RALGPS2: variants seen among roughly 807,000 people sequenced by gnomAD.
RALGPS2 encodes Ral GEF with PH domain and SH3 binding motif 2, also known as ras-specific guanine nucleotide-releasing factor RalGPS2.
In RALGPS2, 43 loss-of-function variants were observed where a neutral mutation model predicts 86.8. That is an observed-to-expected ratio of 0.50 (90% CI 0.39 to 0.64). The LOEUF (loss-of-function observed/expected upper bound fraction) is 0.64, where lower values mean the gene tolerates loss of function less well. Among genes scored for constraint, RALGPS2 ranks in the 30% least tolerant of loss-of-function variants. The pLI, the probability that RALGPS2 is intolerant of heterozygous loss-of-function variation, is 0.00. For synonymous variants in RALGPS2, 243 were observed against 231.3 expected (o/e 1.05, Z -0.46); for missense variants, 536 against 694.6 (o/e 0.77, Z 2.57).
intron 8 of RALGPS2, chr1:178,851,315 T>C: frequency 6.2e-7 from 1 of 1,604,200 alleles, no homozygotes; most frequent in Non-Finnish European, 8.5e-7. Flanking sequence ...GGGCGCAGTT[T>C]CCTTTGAGGA....
chr1:178,897,653 G>T lies in RALGPS2; in HGVS notation c.1432-11G>T, dbSNP rs756316809. The T allele has an allele frequency of 1.3e-6, 2 of 1,599,296 alleles. No individual in the cohort carries two copies. Among genetic ancestry groups the T allele is most frequent in the South Asian group, 2.2e-5 (2 of 90,750 alleles). ...ATTGTAATAGTATATTCCTGTGTTT[G>T]TCCTATCCAGGTAGCATCTTGGACA... On this transcript the variant is annotated splice_polypyrimidine_tract_variant and intron_variant, in intron 16 of 19. Transcript: ENST00000367635.
intron 6 of RALGPS2, among the ~76,000 whole-genome samples, chr1:178,820,349 G>A (rs1259983834): frequency 1.3e-5 from 2 of 152,168 alleles, no homozygotes; most frequent in Admixed American, 1.3e-4. Context: ...GCTTATGAGA[G>A]CAAATCTAGC....
At chr1:178,801,027 A>G (rs955970065) in intron 4 of RALGPS2, among the ~76,000 whole-genome samples, 26 of 151,996 alleles carry the variant, frequency 1.7e-4, no homozygotes, top group African/African-American at 5.8e-4. Context: ...CCTGGGTTCA[A>G]GTTATTCTCC....
At chr1:178,854,698 G>C (rs1195563542) in intron 8 of RALGPS2, among the ~76,000 whole-genome samples, 1 of 152,146 alleles carries the variant, frequency 6.6e-6, no homozygotes, top group Non-Finnish European at 1.5e-5. Context: ...GTAAACCCTA[G>C]ATAGACATAA....
chr1:178,772,446 A>G (rs77987948), intron 1 of RALGPS2, among the ~76,000 whole-genome samples: 2,594 of 152,300 alleles, frequency 0.017, 72 homozygotes, highest in African/African-American at 0.058. Flanking sequence ...TGGGTCAGGT[A>G]TCTTAGGAGA....
At chr1:178,735,373 G>A (rs1442754030) in intron 1 of RALGPS2, among the ~76,000 whole-genome samples, 1 of 151,822 alleles carries the variant, frequency 6.6e-6, no homozygotes, top group Non-Finnish European at 1.5e-5. Flanking sequence ...AAGGTAAGAG[G>A]AACAACAAAG....
intron 1 of RALGPS2, among the ~76,000 whole-genome samples, chr1:178,765,708 T>A (rs528040942): frequency 6.6e-6 from 1 of 152,316 alleles, no homozygotes; most frequent in East Asian, 1.9e-4. Flanking sequence ...GTCCCTTATC[T>A]ACAACCATAA....
At chr1:178,901,109 A>G (rs988042164) in intron 17 of RALGPS2, among the ~76,000 whole-genome samples, 5 of 152,056 alleles carry the variant, frequency 3.3e-5, no homozygotes, top group Admixed American at 1.3e-4. Context: ...TGAATGTGCC[A>G]TGTTCATTCT....
At chr1:178,833,826 A>G (rs2102250017) in intron 8 of RALGPS2, among the ~76,000 whole-genome samples, 1 of 152,292 alleles carries the variant, frequency 6.6e-6, no homozygotes, top group Middle Eastern at 3.4e-3. Flanking sequence ...TAGCTGTTTT[A>G]GTAATGCTTT....
chr1:178,838,184 C>T (rs939981838), intron 8 of RALGPS2, among the ~76,000 whole-genome samples: 2 of 152,282 alleles, frequency 1.3e-5, no homozygotes, highest in South Asian at 2.1e-4. Flanking sequence ...TAATGGTTCT[C>T]GCAGCACAGA....
chr1:178,897,756 TGTAA>T lies in RALGPS2; in HGVS notation c.1524+4_1524+7del. The stretch of plus-strand genomic sequence containing the variant: ...CTCTAAAGGCTACCGAAAGAAAACA[TGTAA>T]GTATTTGTTCTCTACATTTTTAGCG... On this transcript the variant is annotated splice_donor_variant and splice_donor_region_variant and intron_variant, in intron 17 of 19. Coordinates refer to ENST00000367635, the MANE Select transcript of RALGPS2 (RefSeq NM_152663.5). LOFTEE classifies it high-confidence loss of function. The T allele has an allele frequency of 3.1e-6, 5 of 1,604,862 alleles. No homozygotes were observed. The highest frequency in any genetic ancestry group is 4.3e-6 in the Non-Finnish European group (5 of 1,172,186).
At chr1:178,806,468 C>G (rs1654748329) in intron 4 of RALGPS2, among the ~76,000 whole-genome samples, 1 of 152,122 alleles carries the variant, frequency 6.6e-6, no homozygotes, top group Non-Finnish European at 1.5e-5. Flanking sequence ...CTTAAAATTA[C>G]TGTTATTCAG....
intron 8 of RALGPS2, chr1:178,869,057 T>G (rs955451376): frequency 3.3e-5 from 5 of 152,078 alleles, no homozygotes; most frequent in African/African-American, 1.2e-4. Context: ...TTTCTGTATA[T>G]GTTAAAATTT....
At chr1:178,834,898 C>A (rs993905405) in intron 8 of RALGPS2, among the ~76,000 whole-genome samples, 2 of 152,226 alleles carry the variant, frequency 1.3e-5, no homozygotes, top group Admixed American at 6.5e-5. Flanking sequence ...CTGCTTCAGC[C>A]TCCCAAGTAG....
intron 7 of RALGPS2, 83 bp from the exon 8 acceptor site, chr1:178,833,341 C>A: frequency 8.0e-7 from 1 of 1,242,656 alleles, no homozygotes; most frequent in Non-Finnish European, 1.0e-6. Context: ...TCCATATTCA[C>A]AGTAAATACA....
At chr1:178,775,096 A>G (rs1413360224) in intron 1 of RALGPS2, among the ~76,000 whole-genome samples, 1 of 152,208 alleles carries the variant, frequency 6.6e-6, no homozygotes, top group Non-Finnish European at 1.5e-5. Flanking sequence ...TAACATCTGC[A>G]TCATCATTAC....
Position 178,838,981 on chromosome 1 carries a change from G to A in RALGPS2, c.607+5431G>A, listed in dbSNP as rs531319979. Among the ~76,000 whole-genome samples, 14 of 152,254 alleles carry A rather than the reference G, an allele frequency of 9.2e-5. No homozygotes were observed. In the East Asian group the frequency reaches 2.3e-3, roughly 25 times the overall value. ...TTTAGAGAAAAAAGTAAAAAGAAAC[G>A]AACAAAGCCTCCAAGAAAAATGGGA... On this transcript the variant is annotated intron_variant, in intron 8 of 19. Transcript: ENST00000367635.
At chr1:178,913,692 T>TTG (rs1391217496) in intron 19 of RALGPS2, among the ~76,000 whole-genome samples, 1 of 152,160 alleles carries the variant, frequency 6.6e-6, no homozygotes. Context: ...GGTTTGACTG[T>TTG]GGTATAAGTT....
At chr1:178,872,518 C>T (rs1450876018) in intron 8 of RALGPS2, among the ~76,000 whole-genome samples, 1 of 152,174 alleles carries the variant, frequency 6.6e-6, no homozygotes, top group African/African-American at 2.4e-5. Flanking sequence ...ACAGTGTTGC[C>T]AGATCTTCCC....
Sources: gnomAD v4.1 joint callset for allele counts (sites outside exome capture counted in the v4.1 genomes callset) on GRCh38, gnomAD v4.1.1 for gene constraint, MANE v1.5 for transcripts, NCBI Gene and HGNC (gene_info 2026-07-23, HGNC 2026-07-21) for gene names.